Variants in SYK observed in about 807,000 individuals in gnomAD.
SYK encodes the protein tyrosine-protein kinase SYK.
In SYK, 16 loss-of-function variants were observed where a neutral mutation model predicts 77.8. The ratio of observed to expected loss-of-function variants is 0.21; its 90% confidence interval spans 0.14 to 0.31. SYK has a LOEUF of 0.31. Ranked by LOEUF, SYK falls within the 10% of genes least tolerant of loss-of-function variation. The probability of loss-of-function intolerance (pLI) is 1.00; values close to 1 mark genes in which losing one functional copy is unlikely to be tolerated. For missense variants in SYK, 529 were observed against 814.4 expected (o/e 0.65, Z 4.26); for synonymous variants, 312 against 308.7 (o/e 1.01, Z -0.11).
intron 1 of SYK, among the ~76,000 whole-genome samples, chr9:90,810,968 A>G (rs997803469): frequency 5.3e-5 from 8 of 150,910 alleles, no homozygotes; most frequent in South Asian, 2.1e-4. Context: ...AATCGTTTGG[A>G]AAAAAAAACA....
At chr9:90,807,624 C>T (rs1166268262) in intron 1 of SYK, among the ~76,000 whole-genome samples, 3 of 152,166 alleles carry the variant, frequency 2.0e-5, no homozygotes, top group Non-Finnish European at 2.9e-5. Context: ...AGGGAAGGCA[C>T]GTCCAGATAG....
intron 1 of SYK, among the ~76,000 whole-genome samples, chr9:90,842,811 A>G (rs1467112201): frequency 6.6e-6 from 1 of 150,974 alleles, no homozygotes; most frequent in Non-Finnish European, 1.5e-5. Flanking sequence ...CATGAGGGAC[A>G]TGCGCTTTGC....
At chr9:90,802,976 A>G (rs904181571) in intron 1 of SYK, among the ~76,000 whole-genome samples, 3 of 152,188 alleles carry the variant, frequency 2.0e-5, no homozygotes, top group Admixed American at 6.5e-5. Flanking sequence ...GCCTTCACAC[A>G]GGCAGCATTT....
chr9:90,887,966 T>C (rs1264181938), intron 12 of SYK, 77 bp downstream of exon 12: 4 of 1,453,476 alleles, frequency 2.8e-6, no homozygotes, highest in East Asian at 2.6e-5. Flanking sequence ...TACAACAACC[T>C]GAAAATCCTA....
intron 3 of SYK, among the ~76,000 whole-genome samples, chr9:90,853,032 A>C (rs1826878536): frequency 6.6e-6 from 1 of 151,410 alleles, no homozygotes; most frequent in Non-Finnish European, 1.5e-5. Context: ...CCCCACCCCC[A>C]CTTGTGCTGG....
chr9:90,869,430 G>T (rs2118841362), intron 7 of SYK, among the ~76,000 whole-genome samples: 1 of 152,210 alleles, frequency 6.6e-6, no homozygotes, highest in Admixed American at 6.5e-5. Context: ...AAAGATCAAG[G>T]TTGTAAGGTT....
chr9:90,831,616 A>G (rs1825896361), intron 1 of SYK, among the ~76,000 whole-genome samples: 1 of 152,194 alleles, frequency 6.6e-6, no homozygotes, highest in African/African-American at 2.4e-5. Context: ...CATGGATTCC[A>G]TATCTCCGCA....
At chr9:90,817,198 A>G (rs114835698) in intron 1 of SYK, among the ~76,000 whole-genome samples, 73 of 152,296 alleles carry the variant, frequency 4.8e-4, no homozygotes, top group African/African-American at 1.7e-3. Flanking sequence ...AAGATTGCAC[A>G]TCCCTGCTCT....
chr9:90,811,774 A>AAC (rs1825083574), intron 1 of SYK, among the ~76,000 whole-genome samples: 1 of 150,810 alleles, frequency 6.6e-6, no homozygotes, highest in South Asian at 2.1e-4. Context: ...CAAAAAAAAA[A>AAC]ACTAGCCTGG....
intron 3 of SYK, among the ~76,000 whole-genome samples, chr9:90,847,489 G>C (rs959605050): frequency 2.0e-5 from 3 of 152,206 alleles, no homozygotes; most frequent in African/African-American, 7.2e-5. Flanking sequence ...CAACCTCCCA[G>C]ATAATAGCTT....
intron 3 of SYK, among the ~76,000 whole-genome samples, chr9:90,860,473 C>G (rs1373486835): frequency 6.6e-6 from 1 of 151,996 alleles, no homozygotes; most frequent in Non-Finnish European, 1.5e-5. Context: ...TAACAGTCAC[C>G]AACTGCTGGC....
In SYK at chr9:90,826,656, G is replaced by T. The variant is rs527442019; in HGVS notation, c.-41-17202G>T. Among the ~76,000 whole-genome samples the T allele has an allele frequency of 7.9e-5, 12 of 152,322 alleles. No homozygotes were observed. In the South Asian group the frequency reaches 2.5e-3, roughly 32 times the overall value. ...TTCCTTTTTATCTTGCGTTTCCAGG[G>T]ATGTTTCACGGCCTTTTGTGGAGTG... is the stretch of plus-strand genomic sequence containing the variant. On this transcript the variant is annotated intron_variant, in intron 1 of 13. Transcript: ENST00000375754.
In SYK at chr9:90,828,238, C is replaced by A. The variant is rs1323107656; in HGVS notation, c.-41-15620C>A. On this transcript the variant is annotated intron_variant, in intron 1 of 13. Coordinates refer to ENST00000375754, the MANE Select transcript of SYK (RefSeq NM_003177.7). ...AGTCTGCTGTGGCCTCACCCCCGCC[C>A]CCCCCCCCGCCCCGCCCAGGCCTTC... Among the ~76,000 whole-genome samples the A allele has an allele frequency of 1.1e-3, 97 of 91,308 alleles. 2 individuals carry two copies. In the Middle Eastern group the frequency reaches 0.022, roughly 20 times the overall value. 59.9% of individuals were successfully genotyped at this position (91,308 alleles called of 152,430 possible).
intron 1 of SYK, among the ~76,000 whole-genome samples, chr9:90,806,505 G>A (rs1473982488): frequency 6.6e-6 from 1 of 152,054 alleles, no homozygotes; most frequent in Non-Finnish European, 1.5e-5. Flanking sequence ...AAAGTGCTGG[G>A]ATTATAGGCA....
intron 1 of SYK, among the ~76,000 whole-genome samples, chr9:90,834,178 C>G (rs1825989584): frequency 1.3e-5 from 2 of 148,196 alleles, no homozygotes; most frequent in African/African-American, 5.3e-5. Flanking sequence ...CGTCTGTCTC[C>G]CAGCCTCATG....
rs41274652 is a variant in SYK, at chr9:90,874,724, C to T, written c.1056C>T (p.Tyr352=). 8,927 of 1,614,096 alleles carry T rather than the reference C, an allele frequency of 5.5e-3. 44 individuals carry two copies. Among genetic ancestry groups the T allele is most frequent in the Non-Finnish European group, 6.6e-3 (7,762 of 1,180,002 alleles). Residue 352 remains tyrosine (Y), a synonymous_variant, in exon 9 of 14, where the codon TAC becomes TAT. Transcript: ENST00000375754. The stretch of plus-strand genomic sequence containing the variant: ...ACACAGAGGTGTACGAGAGCCCCTA[C>T]GCGGACCCCGAGGAGATCAGGCCCA... The part of the protein sequence containing the change: ...PMDTEVYESP[Y]ADPEEIRPKE...
chr9:90,856,914 T>C (rs746873550), intron 3 of SYK, among the ~76,000 whole-genome samples: 1 of 152,228 alleles, frequency 6.6e-6, no homozygotes, highest in Non-Finnish European at 1.5e-5. Context: ...GGGGATTTCC[T>C]CTTCACAGGT....
chr9:90,891,716 G>A (rs1334038691), intron 13 of SYK, among the ~76,000 whole-genome samples: 1 of 152,102 alleles, frequency 6.6e-6, no homozygotes, highest in African/African-American at 2.4e-5. Flanking sequence ...GAAATTCAAT[G>A]AGGTGCAGTT....
chr9:90,860,293 T>C (rs187128262), intron 3 of SYK, among the ~76,000 whole-genome samples: 1 of 152,374 alleles, frequency 6.6e-6, no homozygotes, highest in East Asian at 1.9e-4. Flanking sequence ...CTTACTGCTG[T>C]AGTATTTGGA....
Sources: gnomAD v4.1 joint callset for allele counts (sites outside exome capture counted in the v4.1 genomes callset) on GRCh38, gnomAD v4.1.1 for gene constraint, MANE v1.5 for transcripts, NCBI Gene and HGNC (gene_info 2026-07-23, HGNC 2026-07-21) for gene names.